Variants in EIF4A2 observed in about 807,000 individuals in gnomAD.
The protein encoded by EIF4A2 is eukaryotic translation initiation factor 4A2.
Under a neutral mutation model 50.6 loss-of-function variants are expected in EIF4A2, and 9 were observed. The ratio of observed to expected loss-of-function variants is 0.18; its 90% CI spans 0.11 to 0.31. The LOEUF is 0.31. Among genes scored for constraint, EIF4A2 ranks in the 10% least tolerant of loss-of-function variants. The probability of loss-of-function intolerance (pLI) is 1.00; values close to 1 mark genes in which losing one functional copy is unlikely to be tolerated. For missense variants in EIF4A2, 182 were observed against 501.8 expected (o/e 0.36, Z 6.09); for synonymous variants, 215 against 164.4 (o/e 1.31, Z -2.35).
intron 1 of EIF4A2, 158 bp from the exon 2 acceptor site, chr3:186,784,274 T>C (rs751963985): frequency 9.2e-6 from 10 of 1,085,844 alleles, no homozygotes; most frequent in Admixed American, 2.4e-5. Context: ...CCCCAACCTT[T>C]AGGGAAGGCG....
chr3:186,783,695 A>T (rs908570831), intron 1 of EIF4A2, 56 bp downstream of exon 1: 27 of 1,613,374 alleles, frequency 1.7e-5, no homozygotes, highest in Non-Finnish European at 2.3e-5. Flanking sequence ...GCGCCAGGGG[A>T]GATGATAGTG....
Position 186,789,668 on chromosome 3 carries a change from T to G in EIF4A2, c.*399T>G. The G allele has an allele frequency of 2.8e-6, 1 of 362,734 alleles. No individual in the cohort carries two copies. Among genetic ancestry groups the G allele is most frequent in the Non-Finnish European group, 5.0e-6 (1 of 199,924 alleles). The allele number at this position is 362,734 out of a possible 1,614,324, so 22.5% of individuals were successfully genotyped here. A position where few individuals can be genotyped will look rare whatever the true frequency, so the allele number is the denominator to read the frequency against. ...ATATCTGCCTTTATTGTGTTTGTCA[T>G]TAGCCTGAGTAGAAAGGCCTTTAAA... On this transcript the variant is annotated 3_prime_UTR_variant, in exon 11 of 11. Transcript: ENST00000323963.
At position 186,789,857 on chromosome 3, in the gene EIF4A2, A is replaced by ATGAAGTT. The variant is rs1245177578; in HGVS notation, c.*593_*599dup. ...AAATTGCCATATTGCACATGTCTTA[A>ATGAAGTT]TGAAGTTTGAATGTTAAATAAATTG... is the stretch of plus-strand genomic sequence containing the variant. On this transcript the variant is annotated 3_prime_UTR_variant, in exon 11 of 11. Transcript: ENST00000323963. 4.0e-6 allele frequency: 3 copies of ATGAAGTT among 742,226 alleles called. No homozygotes were observed. The highest frequency in any genetic ancestry group is 6.6e-6 in the Non-Finnish European group (3 of 452,934). 46.0% of individuals were successfully genotyped at this position (742,226 alleles called of 1,614,324 possible).
chr3:186,786,821 T>C (rs1721749974), intron 7 of EIF4A2, 176 bp downstream of exon 7: 1 of 947,960 alleles, frequency 1.1e-6, no homozygotes, highest in Non-Finnish European at 1.7e-6. Context: ...TAATGTCCAA[T>C]GTCCTTTGTC....
chr3:186,788,504 T>A, intron 10 of EIF4A2: 6 of 1,105,302 alleles, frequency 5.4e-6, no homozygotes, highest in Non-Finnish European at 6.9e-6. Flanking sequence ...TTAGTATTTC[T>A]ATTAGGGAAC....
At chr3:186,784,889 A>G (rs952404904) in intron 3 of EIF4A2, 73 bp from the exon 4 acceptor site, 30 of 1,612,446 alleles carry the variant, frequency 1.9e-5, no homozygotes, top group Middle Eastern at 1.6e-4. Context: ...AATGTTCCAA[A>G]TGGAATACAT....
Position 186,785,223 on chromosome 3 carries a change from A to G in EIF4A2, c.348+122A>G, listed in dbSNP as rs969073402. ...ACCAGATCCCTCCTTTTAATTGTCC[A>G]TGCATGCAGGGAGTTTTTGTTGAAA... On this transcript the variant is annotated intron_variant, in intron 4 of 10. Coordinates refer to ENST00000323963, the MANE Select transcript of EIF4A2 (RefSeq NM_001967.4). 2.8e-6 allele frequency: 4 copies of G among 1,413,892 alleles called. No homozygotes were observed. In the African/African-American group the frequency reaches 5.7e-5, roughly 20 times the overall value. The allele number at this position is 1,413,892 out of a possible 1,614,324, so 87.6% of individuals were successfully genotyped here.
chr3:186,784,707 CTG>C lies in EIF4A2; in HGVS notation c.208+12_208+13del, dbSNP rs747920551. On this transcript the variant is annotated intron_variant, in intron 3 of 10. Transcript: ENST00000323963. ...TTCCCTGTATTAAAGGTAAAAGAAA[CTG>C]GCATTTTTAGGAAATTGTTCTACAT... is the stretch of plus-strand genomic sequence containing the variant. 6 of 1,612,354 alleles carry C rather than the reference CTG, an allele frequency of 3.7e-6. No individual in the cohort carries two copies. Among genetic ancestry groups the C allele is most frequent in the Non-Finnish European group, 5.1e-6 (6 of 1,179,106 alleles).
chr3:186,788,059 G>GTA, intron 10 of EIF4A2, 177 bp downstream of exon 10: 1 of 779,366 alleles, frequency 1.3e-6, no homozygotes, highest in African/African-American at 1.8e-5. Context: ...GGGAAAACTT[G>GTA]TAAACATTGC....
At chr3:186,788,388 A>C in intron 10 of EIF4A2, 1 of 1,287,684 alleles carries the variant, frequency 7.8e-7, no homozygotes, top group Non-Finnish European at 1.0e-6. Flanking sequence ...ATCATAAGCG[A>C]AACAGCACAC....
chr3:186,784,157 G>A (rs1006924916), intron 1 of EIF4A2: 1 of 544,334 alleles, frequency 1.8e-6, no homozygotes, highest in African/African-American at 1.9e-5. Flanking sequence ...CTTGCGCATT[G>A]TTGGGGGCGG....
chr3:186,784,736 G>A, intron 3 of EIF4A2, 40 bp downstream of exon 3: 2 of 1,611,446 alleles, frequency 1.2e-6, no homozygotes, highest in Non-Finnish European at 1.7e-6. Flanking sequence ...GTTCTACATA[G>A]ACATGAACCA....
chr3:186,784,080 A>C (rs918178217), intron 1 of EIF4A2: 4 of 463,906 alleles, frequency 8.6e-6, no homozygotes, highest in Non-Finnish European at 1.6e-5. Flanking sequence ...GCGACGGGAC[A>C]GGACCGGTGC....
In EIF4A2 at chr3:186,785,598, C is replaced by T. The variant is rs1001137050; in HGVS notation, c.349-285C>T. ...TAATTACAGAACATAAATTTCACTA[C>T]GTACTCCCTACCTACAGTGAAGAAT... On this transcript the variant is annotated intron_variant, in intron 4 of 10. Coordinates refer to ENST00000323963, the MANE Select transcript of EIF4A2 (RefSeq NM_001967.4). 7.1e-5 allele frequency: 27 copies of T among 379,260 alleles called. No individual in the cohort carries two copies. The South Asian group carries it at 9.2e-4, about 13-fold the overall frequency. 23.5% of individuals were successfully genotyped at this position (379,260 alleles called of 1,614,324 possible).
At chr3:186,787,320 T>C in intron 8 of EIF4A2, 56 bp downstream of exon 8, 2 of 1,613,576 alleles carry the variant, frequency 1.2e-6, no homozygotes, top group Middle Eastern at 1.7e-4. Flanking sequence ...CAGACTACAA[T>C]ATAGCTGCTA....
chr3:186,784,777 C>A (rs762844796), intron 3 of EIF4A2, 81 bp downstream of exon 3: 1 of 1,606,014 alleles, frequency 6.2e-7, no homozygotes. Context: ...GGGGGACTAG[C>A]ACCTGTTTGT....
At chr3:186,784,092 G>C in intron 1 of EIF4A2, 1 of 471,810 alleles carries the variant, frequency 2.1e-6, no homozygotes, top group Non-Finnish European at 3.8e-6. Context: ...GACCGGTGCC[G>C]GTGAACCGTT....
chr3:186,789,022 C>T (rs1049627388), intron 10 of EIF4A2, 103 bp from the exon 11 acceptor site: 3 of 1,471,254 alleles, frequency 2.0e-6, no homozygotes, highest in Admixed American at 2.3e-5. Flanking sequence ...CGAACTATAA[C>T]CTTGATAAGT....
chr3:186,784,780 C>T, intron 3 of EIF4A2, 84 bp downstream of exon 3: 1 of 1,605,698 alleles, frequency 6.2e-7, no homozygotes, highest in South Asian at 1.1e-5. Context: ...GGACTAGCAC[C>T]TGTTTGTATT....
Sources: allele counts gnomAD v4.1 joint callset, GRCh38; gene constraint gnomAD v4.1.1; transcripts MANE v1.5; gene names NCBI Gene and HGNC (gene_info 2026-07-23, HGNC 2026-07-21).